Variants in NCALD observed in about 807,000 individuals in gnomAD.
NCALD encodes the protein neurocalcin-delta.
In NCALD, 10 loss-of-function variants were observed where a neutral mutation model predicts 18.6. The observed-to-expected ratio is 0.54, with a 90% CI of 0.33 to 0.91. The LOEUF is 0.91. Ranked by LOEUF, NCALD falls within the 40% of genes least tolerant of loss-of-function variation. The pLI, the probability that NCALD is intolerant of heterozygous loss-of-function variation, is 0.03. For missense variants in NCALD, 184 were observed against 247.6 expected (o/e 0.74, Z 1.72); for synonymous variants, 88 against 87.4 (o/e 1.01, Z -0.04).
At chr8:102,097,788 C>T (rs547897723) in intron 1 of NCALD, among the ~76,000 whole-genome samples, 1 of 152,312 alleles carries the variant, frequency 6.6e-6, no homozygotes, top group Admixed American at 6.5e-5. Context: ...ATCAGAGTTT[C>T]ACCCCTGAAA....
At chr8:101,791,094 CA>C (rs1392083037), upstream of NCALD, 1 of 152,200 alleles carries the variant, frequency 6.6e-6, no homozygotes, top group Non-Finnish European at 1.5e-5. Context: ...GAAATTATTT[CA>C]ATAGGTCATC....
At chr8:101,755,319 G>T (rs1209385125) in intron 1 of NCALD, among the ~76,000 whole-genome samples, 5 of 152,106 alleles carry the variant, frequency 3.3e-5, no homozygotes, top group Admixed American at 6.6e-5. Context: ...TTTACTCTCA[G>T]AAGTATTCCC....
rs191820118 is a variant in NCALD at position 101,778,924 on chromosome 8, A to T, written c.-20+11938T>A. Among the ~76,000 whole-genome samples, 355 of 152,292 alleles carry T rather than the reference A, an allele frequency of 2.3e-3. 4 individuals are homozygous for T. The highest frequency in any genetic ancestry group is 8.1e-3 in the African/African-American group (338 of 41,564). The stretch of plus-strand genomic sequence containing the variant: ...ATCTGGACACTTCCTGGTAAAATTT[A>T]TTACCTCCAAGTACAACAAGAAAAT... On this transcript the variant is annotated intron_variant, in intron 1 of 3. Transcript: ENST00000220931.
intron 2 of NCALD, among the ~76,000 whole-genome samples, chr8:102,019,681 T>G (rs998317599): frequency 6.6e-6 from 1 of 152,154 alleles, no homozygotes; most frequent in African/African-American, 2.4e-5. Context: ...TGACTAAAAC[T>G]TAGCAAATTA....
intron 1 of NCALD, among the ~76,000 whole-genome samples, chr8:102,099,160 A>T (rs2132405417): frequency 1.3e-5 from 2 of 152,350 alleles, no homozygotes; most frequent in Middle Eastern, 6.8e-3. Context: ...ATGTTCAGTT[A>T]TCCAAGCTAT....
rs573200485 is a variant in NCALD, at chr8:101,834,187, G to A, written c.-20+52954C>T. On this transcript the variant is annotated intron_variant, in intron 4 of 6. Transcript: ENST00000311028. ...AGAAAGGGAGCATGAAACAGAAAAA[G>A]GAGGGTGTGAAATGTGTGCAAGGTA... 5.3e-5 allele frequency among the ~76,000 whole-genome samples: 8 copies of A among 152,358 alleles called. No individual in the cohort carries two copies. The South Asian group carries it at 1.2e-3, about 24-fold the overall frequency.
At chr8:101,705,823 G>A (rs180747789) in intron 2 of NCALD, among the ~76,000 whole-genome samples, 1 of 152,148 alleles carries the variant, frequency 6.6e-6, no homozygotes, top group Non-Finnish European at 1.5e-5. Flanking sequence ...AGGCAATTTC[G>A]AGCCACCCCA....
intron 2 of NCALD, among the ~76,000 whole-genome samples, chr8:101,985,483 T>C (rs1820774409): frequency 6.6e-6 from 1 of 152,180 alleles, no homozygotes; most frequent in Non-Finnish European, 1.5e-5. Flanking sequence ...ACCTGTTAAA[T>C]ATGTCCTCAG....
intron 4 of NCALD, among the ~76,000 whole-genome samples, chr8:101,836,195 T>C (rs1322484204): frequency 3.9e-5 from 6 of 152,340 alleles, no homozygotes; most frequent in Non-Finnish European, 8.8e-5. Flanking sequence ...CATTTCTCTC[T>C]TGGCTCAGGA....
chr8:101,923,825 G>C (rs193020275), intron 2 of NCALD, among the ~76,000 whole-genome samples: 2 of 152,216 alleles, frequency 1.3e-5, no homozygotes, highest in East Asian at 3.9e-4. Context: ...GTTTCAAATA[G>C]AATATGTAAC....
intron 2 of NCALD, among the ~76,000 whole-genome samples, chr8:101,710,787 C>T (rs1020902933): frequency 6.6e-6 from 1 of 152,244 alleles, no homozygotes; most frequent in African/African-American, 2.4e-5. Context: ...AGATAAAACT[C>T]TCATCTCCCT....
At chr8:101,955,158 G>A (rs1415749825) in intron 2 of NCALD, among the ~76,000 whole-genome samples, 1 of 152,172 alleles carries the variant, frequency 6.6e-6, no homozygotes, top group Non-Finnish European at 1.5e-5. Context: ...AGCTTAAAGA[G>A]AAAGTATCGC....
chr8:101,896,776 C>T (rs1321974270), intron 3 of NCALD, among the ~76,000 whole-genome samples: 1 of 122,594 alleles, frequency 8.2e-6, no homozygotes, highest in Non-Finnish European at 1.6e-5. Context: ...TGCTCATCAT[C>T]ACTGGCCATC....
intron 1 of NCALD, among the ~76,000 whole-genome samples, chr8:102,112,825 G>C (rs1450264497): frequency 2.0e-5 from 3 of 152,096 alleles, no homozygotes; most frequent in Non-Finnish European, 2.9e-5. Flanking sequence ...TGATTATTAA[G>C]AGCCTGGCAC....
chr8:101,741,208 C>T (rs1351689510), intron 1 of NCALD, among the ~76,000 whole-genome samples: 1 of 152,250 alleles, frequency 6.6e-6, no homozygotes, highest in Admixed American at 6.5e-5. Flanking sequence ...TAAAAATACA[C>T]ATGCTGCTGA....
intron 2 of NCALD, among the ~76,000 whole-genome samples, chr8:101,920,271 G>A (rs563937708): frequency 2.0e-4 from 31 of 152,192 alleles, no homozygotes; most frequent in Admixed American, 1.8e-3. Flanking sequence ...GGGAAAAAAA[G>A]AAAACAGTTT....
chr8:101,926,644 G>A (rs1298019385), intron 2 of NCALD, among the ~76,000 whole-genome samples: 2 of 152,158 alleles, frequency 1.3e-5, no homozygotes, highest in Admixed American at 6.5e-5. Context: ...CCAGCACTCA[G>A]CTTCAAAGAC....
chr8:101,824,846 A>G (rs562083622), intron 4 of NCALD, among the ~76,000 whole-genome samples: 1 of 152,298 alleles, frequency 6.6e-6, no homozygotes, highest in East Asian at 1.9e-4. Flanking sequence ...TGGCAGGCAA[A>G]CAGAGGCCAT....
At chr8:102,008,474 TA>T (rs34867950) in intron 2 of NCALD, among the ~76,000 whole-genome samples, 2,156 of 133,282 alleles carry the variant, frequency 0.016, 27 homozygotes, top group African/African-American at 0.033. Flanking sequence ...TAAAGGCAGT[TA>T]AAAAAAAAAA....
Sources: allele counts gnomAD v4.1 joint callset (sites outside exome capture counted in the v4.1 genomes callset), GRCh38; gene constraint gnomAD v4.1.1; transcripts MANE v1.5; gene names NCBI Gene and HGNC (gene_info 2026-07-23, HGNC 2026-07-21).